PTCHD4: variants seen among roughly 807,000 people sequenced by gnomAD.
The protein encoded by PTCHD4 is patched domain-containing protein 4.
Under a neutral mutation model 58.1 loss-of-function variants are expected in PTCHD4, and 33 were observed. The observed-to-expected ratio is 0.57, with a 90% confidence interval of 0.43 to 0.76. The LOEUF (loss-of-function observed/expected upper bound fraction) is 0.76. Ranked by LOEUF, PTCHD4 falls within the 30% of genes least tolerant of loss-of-function variation. The probability of loss-of-function intolerance (pLI) is 0.00; values close to 1 mark genes in which losing one functional copy is unlikely to be tolerated. For missense variants in PTCHD4, 1,058 were observed against 1,027.1 expected (o/e 1.03, Z -0.41); for synonymous variants, 478 against 409.6 (o/e 1.17, Z -2.02).
In PTCHD4 at chr6:47,861,550, C is replaced by A. The variant is rs1439739216; in HGVS notation, c.*16753G>T. On this transcript the variant is annotated 3_prime_UTR_variant, in exon 5 of 5. Transcript: ENST00000339488. ...CTATCTTACCATTTTGTCCAAAACA[C>A]ATCTAGTACTCATTGACATTTATGT... is the stretch of plus-strand genomic sequence containing the variant. Among the ~76,000 whole-genome samples the A allele has an allele frequency of 6.6e-6, 1 of 151,946 alleles. No individual in the cohort carries two copies. The highest frequency in any genetic ancestry group is 1.5e-5 in the Non-Finnish European group (1 of 67,918).
At position 47,863,756 on chromosome 6, in the gene PTCHD4, T is replaced by C. The variant is rs974555069; in HGVS notation, c.*14547A>G. On this transcript the variant is annotated 3_prime_UTR_variant, in exon 5 of 5. Coordinates refer to ENST00000339488, the MANE Select transcript of PTCHD4 (RefSeq NM_001384253.1). The stretch of plus-strand genomic sequence containing the variant: ...TCTCTGAAAATGACACATTCTTTTA[T>C]ACTCTACGCCTTGGTTCCATGTTCC... 1.3e-5 allele frequency among the ~76,000 whole-genome samples: 2 copies of C among 152,002 alleles called. No homozygotes were observed. Among genetic ancestry groups the C allele is most frequent in the East Asian group, 3.9e-4 (2 of 5,148 alleles).
intron 1 of PTCHD4, among the ~76,000 whole-genome samples, chr6:48,087,235 T>C (rs962938066): frequency 6.6e-6 from 1 of 152,206 alleles, no homozygotes; most frequent in Non-Finnish European, 1.5e-5. Flanking sequence ...TTTCAGTTTT[T>C]TTCTCCTCTG....
At position 47,872,522 on chromosome 6, in the gene PTCHD4, A is replaced by ATAT. The variant is rs1763745235; in HGVS notation, c.*5780_*5781insATA. On this transcript the variant is annotated 3_prime_UTR_variant, in exon 5 of 5. Transcript: ENST00000339488. ...TGCAATGAAATCATACACAGCAGGA[A>ATAT]TCACACACCATCAGTGGTGATTCCT... Among the ~76,000 whole-genome samples, 1 of 151,668 alleles carries ATAT rather than the reference A, an allele frequency of 6.6e-6. No homozygotes were observed. The highest frequency in any genetic ancestry group is 1.5e-5 in the Non-Finnish European group (1 of 67,750).
chr6:48,106,906 C>T (rs1765740019), intron 1 of PTCHD4, among the ~76,000 whole-genome samples: 1 of 152,084 alleles, frequency 6.6e-6, no homozygotes, highest in African/African-American at 2.4e-5. Context: ...GCATGAAGGA[C>T]CTCTTCAAGG....
At chr6:47,957,895 C>T (rs1340472626) in intron 4 of PTCHD4, among the ~76,000 whole-genome samples, 3 of 152,056 alleles carry the variant, frequency 2.0e-5, no homozygotes, top group Non-Finnish European at 4.4e-5. Flanking sequence ...TGAGCCACCG[C>T]GCCCGGCCAT....
intron 4 of PTCHD4, among the ~76,000 whole-genome samples, chr6:47,962,603 C>T (rs1767139021): frequency 6.6e-6 from 1 of 152,118 alleles, no homozygotes; most frequent in Non-Finnish European, 1.5e-5. Context: ...AGCACTTGTC[C>T]TCCCTGCCAC....
At chr6:48,067,609 A>C (rs766499434) in intron 3 of PTCHD4, among the ~76,000 whole-genome samples, 8 of 152,146 alleles carry the variant, frequency 5.3e-5, no homozygotes, top group African/African-American at 1.9e-4. Context: ...AACTCCCCAC[A>C]TGTTAACAAT....
At chr6:48,006,007 A>T (rs919879780) in intron 4 of PTCHD4, among the ~76,000 whole-genome samples, 6 of 152,296 alleles carry the variant, frequency 3.9e-5, no homozygotes, top group Non-Finnish European at 8.8e-5. Flanking sequence ...AAAATAAAAC[A>T]AAACACAACC....
intron 3 of PTCHD4, among the ~76,000 whole-genome samples, chr6:48,040,064 C>T (rs1013241395): frequency 6.6e-6 from 1 of 152,046 alleles, no homozygotes; most frequent in Non-Finnish European, 1.5e-5. Context: ...TCACTTTGAA[C>T]AGCAAGAGAA....
chr6:48,069,362 T>C lies in PTCHD4; in HGVS notation c.-405A>G, dbSNP rs1764927601. Among the ~76,000 whole-genome samples, 1 of 152,210 alleles carries C rather than the reference T, an allele frequency of 6.6e-6. No homozygotes were observed. Among genetic ancestry groups the C allele is most frequent in the South Asian group, 2.1e-4 (1 of 4,814 alleles). ...CAATTAGAGCCCAAGGAGTGGGGCA[T>C]GGAGGGAGACAGCCCCAGGGCTCCA... is the stretch of plus-strand genomic sequence containing the variant. On this transcript the variant is annotated 5_prime_UTR_variant, in exon 2 of 5. An upstream start codon of the reference 5' UTR is lost. Coordinates refer to ENST00000339488, the MANE Select transcript of PTCHD4 (RefSeq NM_001384253.1).
At chr6:47,935,554 C>G (rs781702746) in intron 4 of PTCHD4, among the ~76,000 whole-genome samples, 14 of 152,060 alleles carry the variant, frequency 9.2e-5, no homozygotes, top group Non-Finnish European at 1.9e-4. Flanking sequence ...CCCAAGAAAG[C>G]ATTTTAGGAG....
chr6:47,915,212 G>A (rs959067327), intron 4 of PTCHD4, among the ~76,000 whole-genome samples: 1 of 152,026 alleles, frequency 6.6e-6, no homozygotes, highest in African/African-American at 2.4e-5. Flanking sequence ...AATATGGATT[G>A]TAAAAGCTGA....
rs946650885 is a variant in PTCHD4 at position 47,862,220 on chromosome 6, T to C, written c.*16083A>G. Among the ~76,000 whole-genome samples, 21 of 142,054 alleles carry C rather than the reference T, an allele frequency of 1.5e-4. No homozygotes were observed. In the East Asian group the frequency reaches 4.5e-3, roughly 31 times the overall value. The allele number at this position is 142,054 out of a possible 152,430, so 93.2% of individuals were successfully genotyped here. A position where few individuals can be genotyped will look rare whatever the true frequency, so the allele number is the denominator to read the frequency against. On this transcript the variant is annotated 3_prime_UTR_variant, in exon 5 of 5. Coordinates refer to ENST00000339488, the MANE Select transcript of PTCHD4 (RefSeq NM_001384253.1). ...AATGAATTATCGGTTTTGCCAATCA[T>C]TACTTTTGTTGCATTATGGCTTTTT... is the stretch of plus-strand genomic sequence containing the variant.
Position 47,878,646 on chromosome 6 carries a change from A to AGCAGTGGTGC in PTCHD4, c.2179_2188dup (p.Leu730ArgfsTer12). 1 of 1,613,672 alleles carries AGCAGTGGTGC rather than the reference A, an allele frequency of 6.2e-7. No homozygotes were observed. Among genetic ancestry groups the AGCAGTGGTGC allele is most frequent in the Non-Finnish European group, 8.5e-7 (1 of 1,179,784 alleles). Reference sequence around the variant, plus strand: ...CTCAGTTGCTAATACAAATGTGAAAAGCAGTGGTGCACAGTGGTCAATGGC... The same window carrying AGCAGTGGTGC: ...CTCAGTTGCTAATACAAATGTGAAAAGCAGTGGTGCGCAGTGGTGCACAGTGGTCAATGGC... On this transcript the variant is annotated frameshift_variant, in exon 5 of 5. Coordinates refer to ENST00000339488, the MANE Select transcript of PTCHD4 (RefSeq NM_001384253.1). LOFTEE classifies it high-confidence loss of function.
Position 47,868,324 on chromosome 6 carries a change from A to T in PTCHD4, c.*9979T>A, listed in dbSNP as rs957438444. Among the ~76,000 whole-genome samples the T allele has an allele frequency of 6.6e-6, 1 of 151,760 alleles. No homozygotes were observed. Among genetic ancestry groups the T allele is most frequent in the Non-Finnish European group, 1.5e-5 (1 of 67,830 alleles). On this transcript the variant is annotated 3_prime_UTR_variant, in exon 5 of 5. Coordinates refer to ENST00000339488, the MANE Select transcript of PTCHD4 (RefSeq NM_001384253.1). ...TTATAGGAAAGGACAGTTATTACCA[A>T]CAAACTTGAAATTCTTCCTTTATAT...
chr6:48,009,630 C>A (rs1762597583), intron 3 of PTCHD4, among the ~76,000 whole-genome samples: 1 of 152,126 alleles, frequency 6.6e-6, no homozygotes, highest in African/African-American at 2.4e-5. Context: ...CTTATATATT[C>A]TCTATATTTT....
chr6:47,992,003 C>A (rs1768296714), intron 4 of PTCHD4, among the ~76,000 whole-genome samples: 1 of 151,948 alleles, frequency 6.6e-6, no homozygotes. Context: ...ACTAAAGGGA[C>A]TAAATTTCTC....
rs1763801801 is a variant in PTCHD4 at position 47,874,693 on chromosome 6, A to G, written c.*3610T>C. On this transcript the variant is annotated 3_prime_UTR_variant, in exon 5 of 5. Transcript: ENST00000339488. The stretch of plus-strand genomic sequence containing the variant: ...TCTCACCTCACAAGGTAAAAACCTA[A>G]ATTCTGTGGAAATAAATGGGAATCA... Among the ~76,000 whole-genome samples the G allele has an allele frequency of 1.3e-5, 2 of 151,758 alleles. No individual in the cohort carries two copies. Among genetic ancestry groups the G allele is most frequent in the South Asian group, 4.1e-4 (2 of 4,830 alleles).
chr6:48,055,285 A>G (rs535224280), intron 3 of PTCHD4, among the ~76,000 whole-genome samples: 32 of 152,332 alleles, frequency 2.1e-4, no homozygotes, highest in African/African-American at 7.2e-4. Flanking sequence ...TATGATGACA[A>G]CTGTGTATTT....
Sources: gnomAD v4.1 joint callset for allele counts (sites outside exome capture counted in the v4.1 genomes callset) on GRCh38, gnomAD v4.1.1 for gene constraint, MANE v1.5 for transcripts, NCBI Gene and HGNC (gene_info 2026-07-23, HGNC 2026-07-21) for gene names.